The following MROH2B variants were observed in gnomAD, a reference collection of about 807,000 sequenced individuals.
MROH2B encodes the protein maestro heat like repeat family member 2B, also known as maestro heat-like repeat-containing protein family member 2B.
In MROH2B, 177 loss-of-function variants were observed where a neutral mutation model predicts 208.6. That is an observed-to-expected ratio of 0.85 (90% CI 0.75 to 0.96). MROH2B has a LOEUF of 0.96. Ranked by LOEUF, MROH2B falls within the 40% of genes least tolerant of loss-of-function variation. The pLI, the probability that MROH2B is intolerant of heterozygous loss-of-function variation, is 0.00. For synonymous variants in MROH2B, 728 were observed against 659.0 expected (o/e 1.10, Z -1.60); for missense variants, 2,002 against 1,878.7 (o/e 1.07, Z -1.21).
At chr5:41,058,434 A>T (rs1269294083) in intron 6 of MROH2B, among the ~76,000 whole-genome samples, 1 of 152,102 alleles carries the variant, frequency 6.6e-6, no homozygotes, top group Non-Finnish European at 1.5e-5. Context: ...TCATTTCAAT[A>T]CTTGCCCTTC....
chr5:41,062,700 C>G (rs1310733513), intron 5 of MROH2B, among the ~76,000 whole-genome samples: 1 of 151,990 alleles, frequency 6.6e-6, no homozygotes, highest in Non-Finnish European at 1.5e-5. Context: ...CACAAAATAC[C>G]CTGGAAAGGA....
At chr5:41,045,167 A>G (rs1028719381) in intron 18 of MROH2B, among the ~76,000 whole-genome samples, 5 of 152,174 alleles carry the variant, frequency 3.3e-5, no homozygotes, top group Admixed American at 2.6e-4. Flanking sequence ...GGAAAGGAAT[A>G]ATGTTTGAAA....
chr5:41,006,033 A>AG (rs1249691138), intron 34 of MROH2B, among the ~76,000 whole-genome samples: 2 of 9,522 alleles, frequency 2.1e-4, no homozygotes, highest in Non-Finnish European at 3.4e-4. Context: ...TTCTGTCTCC[A>AG]AAAAAAAAAA....
rs1741262867 is a variant in MROH2B, at chr5:40,998,075, T to TA, written c.4734dup (p.Lys1579Ter). On this transcript the variant is annotated frameshift_variant, in exon 42 of 42. Coordinates refer to ENST00000399564, the MANE Select transcript of MROH2B (RefSeq NM_173489.5). LOFTEE classifies it high-confidence loss of function. ...GCTTACAGAGGAATGCTTGTCTCTTTACACCTTCTCAGGAGGGTTTGCAAA... is the reference window on the plus strand; with the variant it reads ...GCTTACAGAGGAATGCTTGTCTCTTTAACACCTTCTCAGGAGGGTTTGCAAA... The TA allele has an allele frequency of 3.1e-6, 5 of 1,611,704 alleles. No individual in the cohort carries two copies. The highest frequency in any genetic ancestry group is 1.3e-5 in the African/African-American group (1 of 74,854).
At chr5:41,059,928 C>CT (rs1743584027) in intron 6 of MROH2B, among the ~76,000 whole-genome samples, 1 of 152,184 alleles carries the variant, frequency 6.6e-6, no homozygotes, top group African/African-American at 2.4e-5. Flanking sequence ...TTTGCTCTTC[C>CT]TTTTTAACTC....
At chr5:41,027,828 C>T (rs1167132680) in intron 24 of MROH2B, among the ~76,000 whole-genome samples, 1 of 152,134 alleles carries the variant, frequency 6.6e-6, no homozygotes, top group African/African-American at 2.4e-5. Flanking sequence ...GAAAATGTGG[C>T]ACATATACAC....
At chr5:41,018,851 TGTC>T (rs1742047694) in intron 25 of MROH2B, 29 bp downstream of exon 25, 1 of 1,613,700 alleles carries the variant, frequency 6.2e-7, no homozygotes, top group African/African-American at 1.3e-5. Context: ...CACTGCAGAC[TGTC>T]ATCCTACTTA....
intron 37 of MROH2B, among the ~76,000 whole-genome samples, chr5:41,002,149 G>A (rs912173942): frequency 2.0e-5 from 3 of 152,124 alleles, no homozygotes; most frequent in Non-Finnish European, 2.9e-5. Context: ...GTACCAAAAA[G>A]GTAGAGAGAC....
chr5:41,051,213 T>C (rs1743274394), intron 12 of MROH2B, 123 bp from the exon 13 acceptor site: 1 of 477,586 alleles, frequency 2.1e-6, no homozygotes, highest in Non-Finnish European at 3.5e-6. Flanking sequence ...AAGGGGCTCA[T>C]GGAACCTAGA....
At chr5:41,024,870 GA>G (rs1259675781) in intron 24 of MROH2B, among the ~76,000 whole-genome samples, 1 of 152,126 alleles carries the variant, frequency 6.6e-6, no homozygotes, top group Non-Finnish European at 1.5e-5. Context: ...TAGAACTCAG[GA>G]TTAAGAAACT....
chr5:41,069,824 C>A, intron 1 of MROH2B, 72 bp from the exon 2 acceptor site: 1 of 1,151,654 alleles, frequency 8.7e-7, no homozygotes, highest in Non-Finnish European at 1.3e-6. Flanking sequence ...TTGTAATCAA[C>A]ACAGAAAGTT....
At chr5:41,033,304 C>G in intron 22 of MROH2B, 144 bp from the exon 23 acceptor site, 1 of 1,198,324 alleles carries the variant, frequency 8.3e-7, no homozygotes, top group Non-Finnish European at 1.2e-6. Context: ...AGACTAGGGT[C>G]TAAGTTGCAG....
chr5:41,070,847 T>A lies in MROH2B; in HGVS notation c.6A>T (p.Thr2=). The A allele has an allele frequency of 6.2e-7, 1 of 1,611,096 alleles. No homozygotes were observed. The change falls in exon 1 of 42, where the codon ACA becomes ACT. Residue 2 remains threonine, a synonymous_variant. Coordinates refer to ENST00000399564, the MANE Select transcript of MROH2B (RefSeq NM_173489.5). ...TACCTATGGATTCCTCTGTACTAAG[T>A]GTCATGTCTTGGCTGTTTCAGGGTC... M[T]LSTEESIEMF...
intron 9 of MROH2B, 22 bp downstream of exon 9, chr5:41,057,087 G>A (rs776610356): frequency 1.1e-5 from 18 of 1,612,986 alleles, no homozygotes; most frequent in Middle Eastern, 3.3e-4. Context: ...TTTATTAAAA[G>A]CCTTCTGGAT....
At chr5:41,055,597 G>GT in intron 10 of MROH2B, 145 bp downstream of exon 10, 1 of 595,676 alleles carries the variant, frequency 1.7e-6, no homozygotes, top group Non-Finnish European at 2.9e-6. Context: ...ATTGTAGATT[G>GT]TGGAAGATTA....
chr5:41,012,875 A>G (rs1357104609), intron 29 of MROH2B, 140 bp from the exon 30 acceptor site: 35 of 1,047,320 alleles, frequency 3.3e-5, no homozygotes, highest in Non-Finnish European at 4.8e-5. Context: ...CACAGAAACT[A>G]GAGAAAATAC....
In MROH2B at chr5:41,071,213, C is replaced by T. The variant is rs1282044653; in HGVS notation, c.-361G>A. On this transcript the variant is annotated 5_prime_UTR_variant, in exon 1 of 42. Coordinates refer to ENST00000399564, the MANE Select transcript of MROH2B (RefSeq NM_173489.5). ...TTGCAGACCAAAGGTGCTCCTCTCC[C>T]TAAACTTGAGTCCATTGATCACAAA... The T allele has an allele frequency of 4.2e-6, 1 of 237,146 alleles. No homozygotes were observed. The highest frequency in any genetic ancestry group is 9.6e-5 in the East Asian group (1 of 10,372). The allele number at this position is 237,146 out of a possible 1,614,324, so 14.7% of individuals were successfully genotyped here.
chr5:41,042,003 C>G, intron 19 of MROH2B, 89 bp downstream of exon 19: 1 of 657,408 alleles, frequency 1.5e-6, no homozygotes, highest in Non-Finnish European at 2.5e-6. Context: ...TTAAGTAGAA[C>G]ATTATTATAA....
intron 24 of MROH2B, among the ~76,000 whole-genome samples, chr5:41,030,223 A>G (rs1452090152): frequency 6.6e-6 from 1 of 152,106 alleles, no homozygotes; most frequent in Non-Finnish European, 1.5e-5. Flanking sequence ...GTTTGACATC[A>G]CTAATCATTA....
Sources: gnomAD v4.1 joint callset for allele counts (sites outside exome capture counted in the v4.1 genomes callset) on GRCh38, gnomAD v4.1.1 for gene constraint, MANE v1.5 for transcripts, NCBI Gene and HGNC (gene_info 2026-07-23, HGNC 2026-07-21) for gene names.